Variants in WDR73 observed in about 807,000 individuals in gnomAD.
The protein encoded by WDR73 is integrator complex assembly factor WDR73.
WDR73 carries 30 observed loss-of-function variants against 38.2 expected under a neutral mutation model. That is an observed-to-expected ratio of 0.79 (90% CI 0.59 to 1.06). The LOEUF is 1.06. Among genes scored for constraint, WDR73 ranks in the 50% least tolerant of loss-of-function variants. The probability of loss-of-function intolerance (pLI) is 0.00; values close to 1 mark genes in which losing one functional copy is unlikely to be tolerated. For missense variants in WDR73, 487 were observed against 467.0 expected (o/e 1.04, Z -0.40); for synonymous variants, 197 against 176.0 (o/e 1.12, Z -0.94).
At position 84,645,600 on chromosome 15, in the gene WDR73, G is replaced by A. The variant is rs1426556736; in HGVS notation, c.754C>T (p.Leu252Phe). 1.2e-6 allele frequency: 2 copies of A among 1,610,664 alleles called. No homozygotes were observed. Among genetic ancestry groups the A allele is most frequent in the South Asian group, 1.1e-5 (1 of 90,484 alleles). Residue 252 changes from leucine to phenylalanine, a missense_variant, in exon 7 of 8, where the codon CTT (leucine) becomes TTT (phenylalanine). Transcript: ENST00000434634. Reference sequence around the variant, plus strand: ...TGGCAGAGATCCCGGGGGTCAAGAAGACAAAGACGCCCATCTGAGCCAAGG... The same window carrying A: ...TGGCAGAGATCCCGGGGGTCAAGAAAACAAAGACGCCCATCTGAGCCAAGG... The part of the protein sequence containing the change: ...ASLGSDGRLC[L>F]LDPRDLCHPV...
At chr15:84,646,059 C>T in intron 6 of WDR73, 125 bp downstream of exon 6, 1 of 1,554,190 alleles carries the variant, frequency 6.4e-7, no homozygotes, top group African/African-American at 1.4e-5. Flanking sequence ...CAGGGCTTAC[C>T]TCTTATTCAC....
rs1051701497 is a variant in WDR73, at chr15:84,643,315, A to G, written c.*155T>C. On this transcript the variant is annotated 3_prime_UTR_variant, in exon 8 of 8. Transcript: ENST00000434634. ...GTAGTTCTTACTATCCTCATTTTAC[A>G]GATAAGGAAACTGAGGCTAAGTGAC... The G allele has an allele frequency of 1.2e-6, 1 of 852,862 alleles. No individual in the cohort carries two copies. Among genetic ancestry groups the G allele is most frequent in the African/African-American group, 1.7e-5 (1 of 58,376 alleles). 52.8% of individuals were successfully genotyped at this position (852,862 alleles called of 1,614,324 possible).
At chr15:84,649,611 A>G (rs1896564734) in intron 3 of WDR73, among the ~76,000 whole-genome samples, 1 of 152,056 alleles carries the variant, frequency 6.6e-6, no homozygotes, top group African/African-American at 2.4e-5. Flanking sequence ...CTGGGACTAC[A>G]GGTGTGCACC....
intron 3 of WDR73, 114 bp downstream of exon 3, chr15:84,652,600 A>C: frequency 1.7e-6 from 1 of 581,908 alleles, no homozygotes; most frequent in Non-Finnish European, 3.0e-6. Flanking sequence ...GGGCAGGCCT[A>C]GCGCTTTCTC....
In WDR73 at chr15:84,645,828, C is replaced by A; in HGVS notation, c.526G>T (p.Asp176Tyr). 1.2e-6 allele frequency: 2 copies of A among 1,613,818 alleles called. No homozygotes were observed. Among genetic ancestry groups the A allele is most frequent in the South Asian group, 2.2e-5 (2 of 91,030 alleles). ...TGCAGGCTACTCAGCTCCTCACTGT[C>A]ACTGACATCTGGAAGACCGACAGCA... Reference protein sequence around the residue: ...RKTTYTSDVSDSEELSSLQVL... With the variant: ...RKTTYTSDVSYSEELSSLQVL... The change falls in exon 7 of 8, where the codon GAC becomes TAC. Residue 176 changes from aspartate (D) to tyrosine (Y), a missense_variant. Asp to Tyr is a radical substitution (Grantham distance 160, BLOSUM62 -3). Transcript: ENST00000434634.
In WDR73 at chr15:84,652,823, A is replaced by G. The variant is rs556666200; in HGVS notation, c.110-21T>C. ...GACTCCTGGAAAAAGAAGCAGAGGT[A>G]GCTGTCACAAATTGTTAGAAAGATT... On this transcript the variant is annotated intron_variant, in intron 2 of 7. Transcript: ENST00000434634. 59 of 1,450,712 alleles carry G rather than the reference A, an allele frequency of 4.1e-5. No individual in the cohort carries two copies. The South Asian group carries it at 7.1e-4, about 18-fold the overall frequency. The allele number at this position is 1,450,712 out of a possible 1,614,324, so 89.9% of individuals were successfully genotyped here. A position where few individuals can be genotyped will look rare whatever the true frequency, so the allele number is the denominator to read the frequency against.
rs923339322 is a variant in WDR73, at chr15:84,648,235, C to A, written c.288-281G>T. The A allele has an allele frequency of 5.1e-6, 3 of 586,642 alleles. No individual in the cohort carries two copies. In the Admixed American group the frequency reaches 8.9e-5, roughly 17 times the overall value. 36.3% of individuals were successfully genotyped at this position (586,642 alleles called of 1,614,324 possible). The stretch of plus-strand genomic sequence containing the variant: ...CCCAGAGACTCTTGGCCTCTCCCAA[C>A]TGAGCAATTATCACCCAAGAGCAAT... On this transcript the variant is annotated intron_variant, in intron 4 of 7. Transcript: ENST00000434634.
intron 1 of WDR73, 86 bp from the exon 2 acceptor site, chr15:84,653,785 C>T (rs1042789299): frequency 3.7e-6 from 4 of 1,084,160 alleles, no homozygotes; most frequent in Non-Finnish European, 5.5e-6. Context: ...GGTTCAGTGG[C>T]CCAAACTCTG....
In WDR73 at chr15:84,641,705, C is replaced by A. The variant is rs971716548; in HGVS notation, c.*1765G>T. On this transcript the variant is annotated 3_prime_UTR_variant, in exon 8 of 8. Coordinates refer to ENST00000434634, the MANE Select transcript of WDR73 (RefSeq NM_032856.5). Reference sequence around the variant, plus strand: ...CTAATTTTTATATTTTTAGTAGAGACGGGGTTTCACCATGTTGGCCAGGCT... The same window carrying A: ...CTAATTTTTATATTTTTAGTAGAGAAGGGGTTTCACCATGTTGGCCAGGCT... 6.6e-6 allele frequency: 1 copy of A among 151,928 alleles called. No individual in the cohort carries two copies. The highest frequency in any genetic ancestry group is 2.4e-5 in the African/African-American group (1 of 41,352). The allele number at this position is 151,928 out of a possible 1,614,324, so 9.4% of individuals were successfully genotyped here.
chr15:84,645,478 G>A lies in WDR73; in HGVS notation c.876C>T (p.Ala292=). The stretch of plus-strand genomic sequence containing the variant: ...AATCCTGCTCGGCAGTACCTGAGAT[G>A]GCCAAGCAATTCTTCAGGCCTGGGG... The part of the protein sequence containing the change: ...TWAPGLKNCL[A]ISGFDGTVQV... The change falls in exon 7 of 8, where the codon GCC becomes GCT. Residue 292 remains alanine (A), a synonymous_variant. Coordinates refer to ENST00000434634, the MANE Select transcript of WDR73 (RefSeq NM_032856.5). 1.2e-6 allele frequency: 2 copies of A among 1,612,010 alleles called. No individual in the cohort carries two copies. Among genetic ancestry groups the A allele is most frequent in the East Asian group, 2.2e-5 (1 of 44,810 alleles).
chr15:84,645,886 G>C (rs1217207292), intron 6 of WDR73, 50 bp from the exon 7 acceptor site: 5 of 1,610,414 alleles, frequency 3.1e-6, no homozygotes, highest in Non-Finnish European at 4.2e-6. Flanking sequence ...AGATGGGTCT[G>C]GCAATTTGGC....
chr15:84,649,958 T>C (rs1332709492), intron 3 of WDR73, among the ~76,000 whole-genome samples: 2 of 152,208 alleles, frequency 1.3e-5, no homozygotes, highest in Non-Finnish European at 1.5e-5. Context: ...TATAATTCAG[T>C]ATGTTTGGGA....
At chr15:84,649,434 C>T (rs993110367) in intron 3 of WDR73, among the ~76,000 whole-genome samples, 1 of 151,578 alleles carries the variant, frequency 6.6e-6, no homozygotes, top group African/African-American at 2.4e-5. Context: ...CTTCTGTAGC[C>T]TCTGGGTTTT....
In WDR73 at chr15:84,643,191, CAG is replaced by C. The variant is rs1276504364; in HGVS notation, c.*277_*278del. 3 of 446,810 alleles carry C rather than the reference CAG, an allele frequency of 6.7e-6. No homozygotes were observed. The highest frequency in any genetic ancestry group is 3.9e-5 in the African/African-American group (2 of 51,196). The allele number at this position is 446,810 out of a possible 1,614,324, so 27.7% of individuals were successfully genotyped here. On this transcript the variant is annotated 3_prime_UTR_variant, in exon 8 of 8. Transcript: ENST00000434634. ...GATTCTCCCTATGATAGTGTGAAGA[CAG>C]GGACAAAACGCTACCATTTCACACT...
At chr15:84,650,875 T>A (rs1438936422) in intron 3 of WDR73, among the ~76,000 whole-genome samples, 3 of 151,410 alleles carry the variant, frequency 2.0e-5, no homozygotes, top group African/African-American at 7.3e-5. Context: ...ACACCTGGAA[T>A]CCCAGCACTT....
chr15:84,643,511 G>C lies in WDR73; in HGVS notation c.1096C>G (p.Leu366Val). The C allele has an allele frequency of 2.5e-6, 4 of 1,579,728 alleles. No homozygotes were observed. Among genetic ancestry groups the C allele is most frequent in the Non-Finnish European group, 3.4e-6 (4 of 1,162,246 alleles). Reference sequence around the variant, plus strand: ...AGGTCCACCCAGTCCCACACATGCAGAGAGGCATCATTTGTTGCTGATAAC... The same window carrying C: ...AGGTCCACCCAGTCCCACACATGCACAGAGGCATCATTTGTTGCTGATAAC... ...TLLSATNDAS[L>V]HVWDWVDLCA... Residue 366 changes from leucine to valine, a missense_variant, in exon 8 of 8, where the codon CTG (leucine) becomes GTG (valine). Transcript: ENST00000434634.
At position 84,645,587 on chromosome 15, in the gene WDR73, C is replaced by T. The variant is rs866551482; in HGVS notation, c.767G>A (p.Arg256Gln). 10 of 1,610,978 alleles carry T rather than the reference C, an allele frequency of 6.2e-6. No homozygotes were observed. The highest frequency in any genetic ancestry group is 1.7e-4 in the Middle Eastern group (1 of 6,058). Reference sequence around the variant, plus strand: ...TGAGCTCACAGGATGGCAGAGATCCCGGGGGTCAAGAAGACAAAGACGCCC... The same window carrying T: ...TGAGCTCACAGGATGGCAGAGATCCTGGGGGTCAAGAAGACAAAGACGCCC... ...SDGRLCLLDP[R>Q]DLCHPVSSVQ... The change falls in exon 7 of 8, where the codon CGG becomes CAG. Residue 256 changes from arginine to glutamine, a missense_variant. Coordinates refer to ENST00000434634, the MANE Select transcript of WDR73 (RefSeq NM_032856.5).
At chr15:84,654,111 G>T in intron 1 of WDR73, 123 bp downstream of exon 1, 2 of 1,325,414 alleles carry the variant, frequency 1.5e-6, no homozygotes, top group African/African-American at 1.4e-5. Flanking sequence ...CCACGGTGGC[G>T]AGCCCCGAGG....
intron 3 of WDR73, among the ~76,000 whole-genome samples, chr15:84,650,685 G>C (rs192484563): frequency 0.012 from 1,879 of 152,184 alleles, 28 homozygotes; most frequent in South Asian, 0.041. Context: ...AGTAGAGATG[G>C]GGTTTCACCA....
Sources: gnomAD v4.1 joint callset for allele counts (sites outside exome capture counted in the v4.1 genomes callset) on GRCh38, gnomAD v4.1.1 for gene constraint, MANE v1.5 for transcripts, NCBI Gene and HGNC (gene_info 2026-07-23, HGNC 2026-07-21) for gene names.